Variants in ZNF385B observed in about 807,000 individuals in gnomAD.
ZNF385B encodes the protein zinc finger protein 533.
Under a neutral mutation model 39.2 loss-of-function variants are expected in ZNF385B, and 23 were observed. The ratio of observed to expected loss-of-function variants is 0.59; its 90% confidence interval spans 0.42 to 0.83. The LOEUF (loss-of-function observed/expected upper bound fraction) is 0.83. Among genes scored for constraint, ZNF385B ranks in the 40% least tolerant of loss-of-function variants. ZNF385B has a pLI of 0.00. For missense variants in ZNF385B, 552 were observed against 598.9 expected (o/e 0.92, Z 0.82); for synonymous variants, 205 against 222.6 (o/e 0.92, Z 0.70).
chr2:179,551,239 A>G (rs2060545804), intron 3 of ZNF385B, among the ~76,000 whole-genome samples: 1 of 152,102 alleles, frequency 6.6e-6, no homozygotes, highest in Non-Finnish European at 1.5e-5. Flanking sequence ...TCCTGTACTA[A>G]AATGAAATAC....
Position 179,770,678 on chromosome 2 carries a change from A to T in ZNF385B, c.-154-6T>A, listed in dbSNP as rs1251873498. 6.6e-6 allele frequency: 1 copy of T among 152,242 alleles called. No individual in the cohort carries two copies. Among genetic ancestry groups the T allele is most frequent in the East Asian group, 1.9e-4 (1 of 5,204 alleles). The allele number at this position is 152,242 out of a possible 1,614,324, so 9.4% of individuals were successfully genotyped here. On this transcript the variant is annotated splice_polypyrimidine_tract_variant and splice_region_variant and intron_variant, in intron 1 of 9. Coordinates refer to ENST00000410066, the MANE Select transcript of ZNF385B (RefSeq NM_152520.6). ...GGAGTTGAAATGTAGAACATCTGAAATACAAAATAATATAAAATTTTAGTA... is the reference window on the plus strand; with the variant it reads ...GGAGTTGAAATGTAGAACATCTGAATTACAAAATAATATAAAATTTTAGTA...
intron 3 of ZNF385B, among the ~76,000 whole-genome samples, chr2:179,698,643 A>C (rs959550725): frequency 5.3e-5 from 8 of 152,226 alleles, no homozygotes; most frequent in Admixed American, 5.2e-4. Context: ...ATGCCATTAA[A>C]CTGGAAATAT....
At chr2:179,459,578 A>G (rs1387736153) in intron 6 of ZNF385B, among the ~76,000 whole-genome samples, 2 of 138,010 alleles carry the variant, frequency 1.4e-5, no homozygotes, top group Non-Finnish European at 3.1e-5. Context: ...AGTGGGGGAG[A>G]GAGAAAATAA....
At chr2:179,508,121 T>C (rs2057391207) in intron 5 of ZNF385B, among the ~76,000 whole-genome samples, 2 of 152,220 alleles carry the variant, frequency 1.3e-5, no homozygotes. Flanking sequence ...ACTTTTGTTT[T>C]TGTCTTAAAC....
chr2:179,725,523 A>G (rs915791101), intron 3 of ZNF385B, among the ~76,000 whole-genome samples: 1 of 151,754 alleles, frequency 6.6e-6, no homozygotes, highest in African/African-American at 2.4e-5. Flanking sequence ...GGTAATTTTT[A>G]GACATTTTCT....
rs531495512 is a variant in ZNF385B, at chr2:179,735,019, A to G, written c.298+34484T>C. Reference sequence around the variant, plus strand: ...CCAAAAGCAATGGCAACAAAAGCCAAAATTGACAAATGGGATCTAATTAAA... The same window carrying G: ...CCAAAAGCAATGGCAACAAAAGCCAGAATTGACAAATGGGATCTAATTAAA... On this transcript the variant is annotated intron_variant, in intron 3 of 9. Transcript: ENST00000410066. Among the ~76,000 whole-genome samples the G allele has an allele frequency of 9.5e-4, 144 of 151,344 alleles. 1 individual carries two copies. The East Asian group carries it at 0.02, about 21-fold the overall frequency.
chr2:179,764,820 C>T (rs1703596058), intron 3 of ZNF385B, among the ~76,000 whole-genome samples: 1 of 152,184 alleles, frequency 6.6e-6, no homozygotes, highest in East Asian at 1.9e-4. Context: ...GTCAACTTGA[C>T]TGGGTCACTG....
Position 179,462,953 on chromosome 2 carries a change from T to G in ZNF385B, c.716-16183A>C, listed in dbSNP as rs181426895. Among the ~76,000 whole-genome samples, 9 of 152,210 alleles carry G rather than the reference T, an allele frequency of 5.9e-5. No individual in the cohort carries two copies. The East Asian group carries it at 1.5e-3, about 26-fold the overall frequency. Reference sequence around the variant, plus strand: ...TAGAGCTTTCTTGGCAGTGCAATAATCACACACAATTATTTTAAAATTCTA... The same window carrying G: ...TAGAGCTTTCTTGGCAGTGCAATAAGCACACACAATTATTTTAAAATTCTA... On this transcript the variant is annotated intron_variant, in intron 6 of 9. Transcript: ENST00000410066.
chr2:179,844,037 C>A (rs1380368577), intron 1 of ZNF385B, among the ~76,000 whole-genome samples: 1 of 152,172 alleles, frequency 6.6e-6, no homozygotes, highest in Admixed American at 6.5e-5. Flanking sequence ...GCGAGCAAGC[C>A]ATTTTGAACA....
chr2:179,771,431 G>A lies in ZNF385B; in HGVS notation c.-154-759C>T, dbSNP rs74414610. On this transcript the variant is annotated intron_variant, in intron 1 of 9. Coordinates refer to ENST00000410066, the MANE Select transcript of ZNF385B (RefSeq NM_152520.6). ...TAATTTTGATATGCAAAACCTACTTGTCCCTTTTAATACTTTAACCTGATA... is the reference window on the plus strand; with the variant it reads ...TAATTTTGATATGCAAAACCTACTTATCCCTTTTAATACTTTAACCTGATA... Among the ~76,000 whole-genome samples the A allele has an allele frequency of 3.1e-3, 477 of 152,248 alleles. 2 individuals are homozygous for A. The highest frequency in any genetic ancestry group is 0.011 in the African/African-American group (455 of 41,534).
rs1484318551 is a variant in ZNF385B at position 179,442,252 on chromosome 2, T to G, written c.*998A>C. 1 of 152,636 alleles carries G rather than the reference T, an allele frequency of 6.6e-6. No homozygotes were observed. The highest frequency in any genetic ancestry group is 1.5e-5 in the Non-Finnish European group (1 of 68,034). 9.5% of individuals were successfully genotyped at this position (152,636 alleles called of 1,614,324 possible). A position where few individuals can be genotyped will look rare whatever the true frequency, so the allele number is the denominator to read the frequency against. Reference sequence around the variant, plus strand: ...TTTTATCTTCTGTACATTATTGCATTAGGGAGCCACAAAATTATGTAGCAT... The same window carrying G: ...TTTTATCTTCTGTACATTATTGCATGAGGGAGCCACAAAATTATGTAGCAT... On this transcript the variant is annotated 3_prime_UTR_variant, in exon 10 of 10. Transcript: ENST00000410066.
At chr2:179,769,413 T>TA in intron 3 of ZNF385B, 90 bp downstream of exon 3, 13 of 1,545,526 alleles carry the variant, frequency 8.4e-6, no homozygotes, top group Non-Finnish European at 1.1e-5. Context: ...AGTTTTAAGG[T>TA]AAAAATTAAG....
intron 3 of ZNF385B, among the ~76,000 whole-genome samples, chr2:179,735,188 A>G (rs1425687549): frequency 6.6e-6 from 1 of 151,770 alleles, no homozygotes; most frequent in African/African-American, 2.4e-5. Context: ...TTTACAAGAA[A>G]AAAACAAACA....
At chr2:179,811,636 G>A (rs1291584576) in intron 1 of ZNF385B, among the ~76,000 whole-genome samples, 1 of 152,020 alleles carries the variant, frequency 6.6e-6, no homozygotes, top group Non-Finnish European at 1.5e-5. Flanking sequence ...ATTTTAACAT[G>A]TACAAAAATT....
intron 3 of ZNF385B, among the ~76,000 whole-genome samples, chr2:179,581,813 TTCC>T (rs1409598480): frequency 6.6e-6 from 1 of 152,146 alleles, no homozygotes; most frequent in African/African-American, 2.4e-5. Flanking sequence ...AAAGGTGTGT[TTCC>T]TCCTTTTTTC....
rs112257149 is a variant in ZNF385B at position 179,697,756 on chromosome 2, T to C, written c.298+71747A>G. On this transcript the variant is annotated intron_variant, in intron 3 of 9. Coordinates refer to ENST00000410066, the MANE Select transcript of ZNF385B (RefSeq NM_152520.6). ...GAAACGAAATTTGTAAATGTGGGAA[T>C]TGTACAGTTGAATTCTGTAAGGAAT... is the stretch of plus-strand genomic sequence containing the variant. Among the ~76,000 whole-genome samples, 906 of 152,288 alleles carry C rather than the reference T, an allele frequency of 5.9e-3. 5 individuals are homozygous for C. The highest frequency in any genetic ancestry group is 0.02 in the African/African-American group (851 of 41,562).
At chr2:179,580,025 G>A (rs1429545194) in intron 3 of ZNF385B, among the ~76,000 whole-genome samples, 1 of 152,040 alleles carries the variant, frequency 6.6e-6, no homozygotes, top group African/African-American at 2.4e-5. Context: ...TTGAAGGCCT[G>A]GAATGGAATC....
intron 6 of ZNF385B, among the ~76,000 whole-genome samples, chr2:179,450,295 T>C (rs947118100): frequency 6.6e-6 from 1 of 152,064 alleles, no homozygotes; most frequent in African/African-American, 2.4e-5. Context: ...CAAAAGAAAC[T>C]ACCATCAGAG....
At chr2:179,770,991 C>T (rs537087459) in intron 1 of ZNF385B, among the ~76,000 whole-genome samples, 117 of 151,566 alleles carry the variant, frequency 7.7e-4, no homozygotes, top group Non-Finnish European at 1.4e-3. Flanking sequence ...GTTTACAATT[C>T]GAATAAATAA....
Sources: gnomAD v4.1 joint callset for allele counts (sites outside exome capture counted in the v4.1 genomes callset) on GRCh38, gnomAD v4.1.1 for gene constraint, MANE v1.5 for transcripts, NCBI Gene and HGNC (gene_info 2026-07-23, HGNC 2026-07-21) for gene names.